ENPEP: variants seen among roughly 807,000 people sequenced by gnomAD.
ENPEP encodes glutamyl aminopeptidase, also known as AP-A.
In ENPEP, 103 loss-of-function variants were observed where a neutral mutation model predicts 114.5. The ratio of observed to expected loss-of-function variants is 0.90; its 90% CI spans 0.77 to 1.06. ENPEP has a LOEUF of 1.06. ENPEP is among the 50% of genes least tolerant of loss of function. The pLI, the probability that ENPEP is intolerant of heterozygous loss-of-function variation, is 0.00. For missense variants in ENPEP, 1,196 were observed against 1,161.3 expected (o/e 1.03, Z -0.43); for synonymous variants, 420 against 422.0 (o/e 1.00, Z 0.06).
intron 18 of ENPEP, chr4:110,559,230 T>G (rs1470098505): frequency 1.9e-5 from 3 of 161,890 alleles, no homozygotes; most frequent in Non-Finnish European, 2.7e-5. Flanking sequence ...CCAGGAAGTC[T>G]AGGCAAGCAA....
At chr4:110,495,109 A>G (rs1311568529) in intron 3 of ENPEP, among the ~76,000 whole-genome samples, 1 of 152,214 alleles carries the variant, frequency 6.6e-6, no homozygotes, top group Admixed American at 6.5e-5. Context: ...AATATCCCCA[A>G]TAAGCATGTC....
chr4:110,554,079 C>T (rs748834382), intron 18 of ENPEP, among the ~76,000 whole-genome samples: 10 of 151,954 alleles, frequency 6.6e-5, no homozygotes, highest in Non-Finnish European at 1.2e-4. Context: ...GGTTCTGATA[C>T]TCTAAATATA....
In ENPEP at chr4:110,559,742, C is replaced by G; in HGVS notation, c.2721+17C>G. 1 of 1,597,434 alleles carries G rather than the reference C, an allele frequency of 6.3e-7. No homozygotes were observed. The highest frequency in any genetic ancestry group is 1.1e-5 in the South Asian group (1 of 89,848). On this transcript the variant is annotated intron_variant, in intron 19 of 19. Coordinates refer to ENST00000265162, the MANE Select transcript of ENPEP (RefSeq NM_001977.4). ...CTGTGGCAGGTATGAAGATAAATTCCTCTGCATTTGTCCAAGAAGGAGCAG... is the reference window on the plus strand; with the variant it reads ...CTGTGGCAGGTATGAAGATAAATTCGTCTGCATTTGTCCAAGAAGGAGCAG...
Position 110,513,566 on chromosome 4 carries a change from AT to A in ENPEP, c.1443+19del. 1 of 1,610,328 alleles carries A rather than the reference AT, an allele frequency of 6.2e-7. No homozygotes were observed. Among genetic ancestry groups the A allele is most frequent in the Non-Finnish European group, 8.5e-7 (1 of 1,178,468 alleles). ...TATAGCAAGGTGGGAGAAATAGAAC[AT>A]TGTTTTGAACATCTTCCTGTTTAGT... On this transcript the variant is annotated intron_variant, in intron 7 of 19. Coordinates refer to ENST00000265162, the MANE Select transcript of ENPEP (RefSeq NM_001977.4).
rs550715862 is a variant in ENPEP at position 110,536,212 on chromosome 4, C to G, written c.1807+4935C>G. 9.9e-5 allele frequency among the ~76,000 whole-genome samples: 15 copies of G among 151,714 alleles called. No homozygotes were observed. The South Asian group carries it at 2.9e-3, about 30-fold the overall frequency. On this transcript the variant is annotated intron_variant, in intron 11 of 19. Transcript: ENST00000265162. ...TGATAGTGTGATATATTGCATTAGC[C>G]AGGTGAGTCTAATTATTGCACTTTA...
rs368424447 is a variant in ENPEP at position 110,548,314 on chromosome 4, T to A, written c.2139T>A (p.Tyr713Ter). ...TGTTTGAAGATGATAAAGAGCTATA[T>A]CCTATGATTGAGGTGACGTTAATGC... The part of the protein sequence containing the change: ...ISMFEDDKEL[Y>*]PMIEEYFQGQ... The change falls in exon 14 of 20, where the codon TAT becomes TAA. Residue 713 changes from tyrosine to a stop codon, truncating the protein, a stop_gained. Coordinates refer to ENST00000265162, the MANE Select transcript of ENPEP (RefSeq NM_001977.4). LOFTEE classifies it high-confidence loss of function. 3.7e-5 allele frequency: 59 copies of A among 1,587,256 alleles called. No homozygotes were observed. The Admixed American group carries it at 5.9e-4, about 16-fold the overall frequency.
intron 3 of ENPEP, among the ~76,000 whole-genome samples, chr4:110,501,826 T>A (rs1039591218): frequency 5.9e-5 from 9 of 152,224 alleles, no homozygotes; most frequent in Non-Finnish European, 1.3e-4. Context: ...GCTGGATCAT[T>A]TGGTAATTCT....
intron 10 of ENPEP, among the ~76,000 whole-genome samples, chr4:110,525,476 C>CT (rs34536672): frequency 0.29 from 43,639 of 151,984 alleles, 6,488 homozygotes; most frequent in South Asian, 0.46. Context: ...CAGAGAGAAT[C>CT]TTCACCCGTT....
chr4:110,561,345 A>G, intron 19 of ENPEP, 61 bp from the exon 20 acceptor site: 1 of 1,565,510 alleles, frequency 6.4e-7, no homozygotes, highest in Non-Finnish European at 8.7e-7. Context: ...TTGTGAATGA[A>G]ATTCTTGAAG....
chr4:110,537,526 C>T (rs1016249023), intron 11 of ENPEP, among the ~76,000 whole-genome samples: 6 of 152,304 alleles, frequency 3.9e-5, no homozygotes, highest in African/African-American at 9.6e-5. Flanking sequence ...CTATTTTCAC[C>T]ACTCTGCAGT....
intron 10 of ENPEP, among the ~76,000 whole-genome samples, chr4:110,525,555 C>T (rs1300585164): frequency 1.3e-5 from 2 of 152,192 alleles, no homozygotes; most frequent in Non-Finnish European, 2.9e-5. Flanking sequence ...TTCTTTTTCT[C>T]CTTAATGACT....
In ENPEP at chr4:110,548,222, C is replaced by A. The variant is rs1486870015; in HGVS notation, c.2047C>A (p.Leu683Ile). 5.5e-6 allele frequency: 8 copies of A among 1,466,912 alleles called. No individual in the cohort carries two copies. Among genetic ancestry groups the A allele is most frequent in the East Asian group, 5.8e-5 (2 of 34,332 alleles). The allele number at this position is 1,466,912 out of a possible 1,614,324, so 90.9% of individuals were successfully genotyped here. A position where few individuals can be genotyped will look rare whatever the true frequency, so the allele number is the denominator to read the frequency against. The change falls in exon 14 of 20, where the codon CTC (leucine) becomes ATC (isoleucine). Residue 683 changes from leucine (L) to isoleucine (I), a missense_variant. Leu to Ile is a conservative substitution (Grantham distance 5, BLOSUM62 2). Transcript: ENST00000265162. ...GGTGGCTTTGAACTTGACCAAGTAT[C>A]TCAAAAGGGAAGAGAATTTTTTACC... ...YKVALNLTKY[L>I]KREENFLPWQ...
intron 3 of ENPEP, among the ~76,000 whole-genome samples, chr4:110,498,905 T>C (rs1012700021): frequency 6.6e-6 from 1 of 152,192 alleles, no homozygotes; most frequent in African/African-American, 2.4e-5. Context: ...TGGACATCTC[T>C]TTATTCTCTT....
intron 18 of ENPEP, among the ~76,000 whole-genome samples, chr4:110,558,034 T>TTTTTTTTTC (rs1727542070): frequency 1.7e-5 from 2 of 119,632 alleles, no homozygotes; most frequent in African/African-American, 6.0e-5. Flanking sequence ...ATGGTAGGAT[T>TTTTTTTTTC]TTTTTTTTTT....
At position 110,491,101 on chromosome 4, in the gene ENPEP, C is replaced by A; in HGVS notation, c.855C>A (p.Tyr285Ter). The stretch of plus-strand genomic sequence containing the variant: ...AGAAGTCTGTCCCCATGAGCACGTA[C>A]CTGGTGTGCTTTGCTGTACATCAAT... Reference protein sequence around the residue: ...TFEKSVPMSTYLVCFAVHQFD... With the variant: ...TFEKSVPMST Residue 285 changes from tyrosine (Y) to a stop codon, truncating the protein, a stop_gained, in exon 3 of 20, where the codon TAC (tyrosine) becomes TAA (stop). Coordinates refer to ENST00000265162, the MANE Select transcript of ENPEP (RefSeq NM_001977.4). LOFTEE classifies it high-confidence loss of function. The A allele has an allele frequency of 6.2e-7, 1 of 1,612,440 alleles. No homozygotes were observed. The highest frequency in any genetic ancestry group is 8.5e-7 in the Non-Finnish European group (1 of 1,179,812).
chr4:110,504,696 ATCT>A (rs2110348956), intron 3 of ENPEP, among the ~76,000 whole-genome samples: 1 of 152,318 alleles, frequency 6.6e-6, no homozygotes, highest in African/African-American at 2.4e-5. Context: ...ATTAACATCA[ATCT>A]TCTTTAAACA....
At chr4:110,548,451 A>G (rs933009983) in intron 14 of ENPEP, 125 bp downstream of exon 14, 13 of 714,480 alleles carry the variant, frequency 1.8e-5, no homozygotes, top group Non-Finnish European at 2.7e-5. Flanking sequence ...GAATCAAAAG[A>G]AAGTGCAATG....
chr4:110,525,965 C>A (rs1726180271), intron 10 of ENPEP, among the ~76,000 whole-genome samples: 1 of 151,978 alleles, frequency 6.6e-6, no homozygotes, highest in Admixed American at 6.6e-5. Flanking sequence ...GGGGAAGTGA[C>A]TTCTCTGGAT....
chr4:110,504,290 G>A (rs1725276502), intron 3 of ENPEP, among the ~76,000 whole-genome samples: 2 of 152,166 alleles, frequency 1.3e-5, no homozygotes, highest in Non-Finnish European at 2.9e-5. Context: ...GTTGTGGCTG[G>A]GACAAACTGG....
Sources: gnomAD v4.1 joint callset for allele counts (sites outside exome capture counted in the v4.1 genomes callset) on GRCh38, gnomAD v4.1.1 for gene constraint, MANE v1.5 for transcripts, NCBI Gene and HGNC (gene_info 2026-07-23, HGNC 2026-07-21) for gene names.